ATP10D: variants seen among roughly 807,000 people sequenced by gnomAD.
ATP10D encodes phospholipid-transporting ATPase VD.
Under a neutral mutation model 144.8 loss-of-function variants are expected in ATP10D, and 89 were observed. That is an observed-to-expected ratio of 0.61 (90% CI 0.52 to 0.73). The LOEUF (loss-of-function observed/expected upper bound fraction) is 0.73. Ranked by LOEUF, ATP10D falls within the 30% of genes least tolerant of loss-of-function variation. The pLI is 0.00. For synonymous variants in ATP10D, 571 were observed against 615.1 expected, an observed-to-expected ratio of 0.93 and a Z score of 1.06; for missense variants, 1,603 against 1,714.8, an observed-to-expected ratio of 0.93 and a Z score of 1.15.
intron 16 of ATP10D, among the ~76,000 whole-genome samples, chr4:47,570,547 T>G (rs571013564): frequency 2.4e-3 from 372 of 152,270 alleles, no homozygotes; most frequent in African/African-American, 8.5e-3. Flanking sequence ...CTCACGCCTG[T>G]AATCCCAGCA....
At position 47,593,415 on chromosome 4, in the gene ATP10D, A is replaced by C. The variant is rs531288650; in HGVS notation, c.*2034A>C. The C allele has an allele frequency of 5.3e-5, 8 of 152,272 alleles. No individual in the cohort carries two copies. In the South Asian group the frequency reaches 1.7e-3, roughly 32 times the overall value. 9.4% of individuals were successfully genotyped at this position (152,272 alleles called of 1,614,324 possible). On this transcript the variant is annotated 3_prime_UTR_variant, in exon 23 of 23. Coordinates refer to ENST00000273859, the MANE Select transcript of ATP10D (RefSeq NM_020453.4). Reference sequence around the variant, plus strand: ...TACAAAAATATTAATATATTTCATTACTGAATGCTAAACTGTATTTCTTTT... The same window carrying C: ...TACAAAAATATTAATATATTTCATTCCTGAATGCTAAACTGTATTTCTTTT...
chr4:47,536,354 A>G, intron 7 of ATP10D, 83 bp from the exon 8 acceptor site: 1 of 1,523,858 alleles, frequency 6.6e-7, no homozygotes, highest in South Asian at 1.2e-5. Context: ...GAATACTCTC[A>G]TTCCTTCTCC....
intron 22 of ATP10D, 98 bp downstream of exon 22, chr4:47,587,304 G>A (rs1451706853): frequency 1.9e-6 from 2 of 1,066,846 alleles, no homozygotes; most frequent in East Asian, 4.8e-5. Context: ...AGCCCACCCT[G>A]TTTAGTAGTG....
intron 16 of ATP10D, among the ~76,000 whole-genome samples, chr4:47,571,735 TA>T (rs1166541225): frequency 1.3e-5 from 2 of 152,030 alleles, no homozygotes; most frequent in East Asian, 1.9e-4. Flanking sequence ...ATCTGATCTT[TA>T]AAAAAAGTAT....
chr4:47,563,589 G>A lies in ATP10D; in HGVS notation c.2677G>A (p.Gly893Ser). 3 of 1,603,992 alleles carry A rather than the reference G, an allele frequency of 1.9e-6. No homozygotes were observed. The highest frequency in any genetic ancestry group is 2.5e-6 in the Non-Finnish European group (3 of 1,177,040). ...ENKLTLLGAT[G>S]IEDRLQEGVP... ...CTTTGGTTATTTTTTAGGTGCTACT[G>A]GCATTGAAGACCGTCTGCAGGAGGG... Residue 893 changes from glycine (G) to serine (S), a missense_variant, in exon 15 of 23, where the codon GGC becomes AGC. By Grantham distance (56) the Gly-to-Ser change is moderately conservative. Transcript: ENST00000273859.
intron 1 of ATP10D, among the ~76,000 whole-genome samples, chr4:47,502,071 T>C (rs186042917): frequency 1.3e-5 from 2 of 152,282 alleles, no homozygotes; most frequent in African/African-American, 4.8e-5. Context: ...CCCAATAACA[T>C]AGAGAAACAC....
chr4:47,572,913 T>C lies in ATP10D; in HGVS notation c.3282T>C (p.His1094=). The C allele has an allele frequency of 1.9e-6, 3 of 1,613,860 alleles. No individual in the cohort carries two copies. Among genetic ancestry groups the C allele is most frequent in the Non-Finnish European group, 2.5e-6 (3 of 1,179,782 alleles). The change falls in exon 18 of 23, where the codon CAT becomes CAC. Residue 1094 remains histidine (H), a synonymous_variant. Coordinates refer to ENST00000273859, the MANE Select transcript of ATP10D (RefSeq NM_020453.4). ...ASDFAVSQFK[H]LSKLLLVHGH... is the part of the protein sequence containing the mutation. ...ACTTTGCCGTTTCTCAGTTCAAACA[T>C]CTCAGCAAGCTCCTTCTTGTCCATG...
intron 10 of ATP10D, among the ~76,000 whole-genome samples, chr4:47,554,001 G>A (rs1367012901): frequency 1.3e-5 from 2 of 152,108 alleles, no homozygotes; most frequent in African/African-American, 4.8e-5. Context: ...TATGTTACTG[G>A]ATTATACTTA....
intron 5 of ATP10D, among the ~76,000 whole-genome samples, chr4:47,531,086 AT>A (rs60353838): frequency 2.0e-5 from 3 of 150,736 alleles, no homozygotes; most frequent in Non-Finnish European, 3.0e-5. Context: ...GGTATCAGCT[AT>A]TTTTTTTTGC....
chr4:47,569,720 G>C (rs1459296344), intron 16 of ATP10D, among the ~76,000 whole-genome samples: 1 of 152,184 alleles, frequency 6.6e-6, no homozygotes, highest in East Asian at 1.9e-4. Context: ...ATGAGGACAC[G>C]TAGAGCACTG....
intron 21 of ATP10D, among the ~76,000 whole-genome samples, chr4:47,585,648 A>G (rs112634521): frequency 0.16 from 23,784 of 151,986 alleles, 2,402 homozygotes; most frequent in South Asian, 0.26. Flanking sequence ...TACCTCCACT[A>G]CCCTTCCCAG....
chr4:47,588,412 T>C (rs759795695), intron 22 of ATP10D, among the ~76,000 whole-genome samples: 4 of 152,194 alleles, frequency 2.6e-5, no homozygotes, highest in African/African-American at 7.2e-5. Flanking sequence ...CAGGCCAAAT[T>C]TGGCCTACTG....
intron 7 of ATP10D, among the ~76,000 whole-genome samples, 174 bp from the exon 8 acceptor site, chr4:47,536,257 AAGAAAG>A (rs1717841024): frequency 6.6e-6 from 1 of 151,552 alleles, no homozygotes; most frequent in African/African-American, 2.4e-5. Flanking sequence ...GAGTGACTTA[AAGAAAG>A]AGAGAGAGAG....
At chr4:47,523,807 T>TTATA (rs544073201) in intron 4 of ATP10D, among the ~76,000 whole-genome samples, 14,805 of 152,272 alleles carry the variant, frequency 0.097, 853 homozygotes, top group Non-Finnish European at 0.13. Flanking sequence ...GTACATATGT[T>TTATA]TTCATATGTA....
chr4:47,572,783 GAGGCCT>G (rs1262806363), intron 17 of ATP10D, 83 bp from the exon 18 acceptor site: 52 of 1,523,666 alleles, frequency 3.4e-5, no homozygotes, highest in Non-Finnish European at 4.3e-5. Flanking sequence ...GGTAGAATAT[GAGGCCT>G]AGGGTTTCCC....
intron 1 of ATP10D, among the ~76,000 whole-genome samples, chr4:47,510,900 TA>T (rs1238731345): frequency 1.3e-5 from 2 of 152,214 alleles, no homozygotes; most frequent in African/African-American, 4.8e-5. Flanking sequence ...TTCAACCTTT[TA>T]AAAAAAGTCA....
intron 9 of ATP10D, among the ~76,000 whole-genome samples, chr4:47,538,117 T>G (rs923060426): frequency 6.6e-6 from 1 of 152,226 alleles, no homozygotes; most frequent in African/African-American, 2.4e-5. Context: ...TTAATCTGTG[T>G]GATTTTTACA....
intron 7 of ATP10D, 146 bp from the exon 8 acceptor site, chr4:47,536,291 T>C: frequency 8.6e-7 from 1 of 1,168,582 alleles, no homozygotes; most frequent in Admixed American, 2.3e-5. Flanking sequence ...ATGTATAGCC[T>C]TTTGAATTTG....
intron 3 of ATP10D, among the ~76,000 whole-genome samples, chr4:47,516,113 C>G (rs1201181341): frequency 6.6e-6 from 1 of 151,972 alleles, no homozygotes; most frequent in Admixed American, 6.6e-5. Context: ...GCCTGTAATC[C>G]CAGCTACTCA....
Sources: gnomAD v4.1 joint callset for allele counts (sites outside exome capture counted in the v4.1 genomes callset) on GRCh38, gnomAD v4.1.1 for gene constraint, MANE v1.5 for transcripts, NCBI Gene and HGNC (gene_info 2026-07-23, HGNC 2026-07-21) for gene names.